MYO16: variants seen among roughly 807,000 people sequenced by gnomAD.
MYO16 encodes myosin XVI.
A neutral mutation model predicts 205.3 loss-of-function variants in MYO16; 94 were observed. That is an observed-to-expected ratio of 0.46 (90% confidence interval 0.39 to 0.54). The LOEUF (loss-of-function observed/expected upper bound fraction) is 0.54. Ranked by LOEUF, MYO16 falls within the 20% of genes least tolerant of loss-of-function variation. The pLI, the probability that MYO16 is intolerant of heterozygous loss-of-function variation, is 0.00. For missense variants in MYO16, 2,315 were observed against 2,387.5 expected (o/e 0.97, Z 0.63); for synonymous variants, 988 against 954.0 (o/e 1.04, Z -0.66).
At chr13:108,774,556 AT>A (rs896858062) in intron 4 of MYO16, among the ~76,000 whole-genome samples, 191 of 150,252 alleles carry the variant, frequency 1.3e-3, no homozygotes, top group African/African-American at 3.9e-3. Context: ...GATGTGATTG[AT>A]TTTTTTTTTC....
chr13:109,027,372 G>C (rs933852568), intron 23 of MYO16, among the ~76,000 whole-genome samples: 3 of 152,188 alleles, frequency 2.0e-5, no homozygotes, highest in Non-Finnish European at 4.4e-5. Flanking sequence ...CTGGGTGGAC[G>C]TGAATTTTAG....
chr13:108,677,189 G>C (rs908986090), intron 2 of MYO16, among the ~76,000 whole-genome samples: 6 of 151,986 alleles, frequency 3.9e-5, no homozygotes, highest in Admixed American at 2.0e-4. Context: ...CAAAGGAACA[G>C]TGAGAAAGAA....
rs1314966301 is a variant in MYO16, at chr13:109,141,923, G to A, written c.5164+547G>A. On this transcript the variant is annotated intron_variant, in intron 32 of 34. Coordinates refer to ENST00000457511, the MANE Select transcript of MYO16 (RefSeq NM_001198950.3). This position sits in a 1 kb window ranked among gnomAD's most constrained non-coding sequence, Gnocchi z 4.1. ...GGGATGAACTGCTTTTCTTCTGGTC[G>A]TATGCCATCCAAGGAGCACTCTAAC... 6.6e-6 allele frequency among the ~76,000 whole-genome samples: 1 copy of A among 152,082 alleles called. No homozygotes were observed. The highest frequency in any genetic ancestry group is 1.5e-5 in the Non-Finnish European group (1 of 68,026).
At chr13:108,970,275 G>A (rs1398627125) in intron 20 of MYO16, among the ~76,000 whole-genome samples, 1 of 152,028 alleles carries the variant, frequency 6.6e-6, no homozygotes, top group East Asian at 1.9e-4. Flanking sequence ...TTGGTGTAAC[G>A]CTATTAAAAA....
the MYO16 span, among the ~76,000 whole-genome samples, chr13:108,573,269 T>C: frequency 1.3e-5 from 2 of 152,224 alleles, no homozygotes; most frequent in African/African-American, 4.8e-5. Flanking sequence ...TAGATGCGGA[T>C]TATAGGCGAT....
intron 16 of MYO16, among the ~76,000 whole-genome samples, chr13:108,917,246 G>A (rs1333273474): frequency 1.3e-5 from 2 of 150,490 alleles, no homozygotes; most frequent in African/African-American, 4.8e-5. Flanking sequence ...GCTCAGCCCA[G>A]GTCTTAGGCC....
chr13:108,774,892 C>T (rs1886078059), intron 4 of MYO16, among the ~76,000 whole-genome samples: 1 of 152,146 alleles, frequency 6.6e-6, no homozygotes, highest in South Asian at 2.1e-4. Flanking sequence ...ATCCTTTTCA[C>T]ACACCCACTT....
chr13:108,806,140 T>A (rs554596828), intron 6 of MYO16, among the ~76,000 whole-genome samples: 1 of 151,936 alleles, frequency 6.6e-6, no homozygotes, highest in African/African-American at 2.4e-5. Flanking sequence ...AAACTAAAAC[T>A]GGGAGAATGT....
intron 34 of MYO16, among the ~76,000 whole-genome samples, chr13:109,199,192 GTA>G (rs4000581): frequency 0.021 from 1,561 of 74,836 alleles, 31 homozygotes; most frequent in Admixed American, 0.025. Context: ...AATAAAAAAG[GTA>G]TATATATATA....
intron 32 of MYO16, among the ~76,000 whole-genome samples, chr13:109,157,886 T>C (rs1878152335): frequency 6.6e-6 from 1 of 152,136 alleles, no homozygotes; most frequent in African/African-American, 2.4e-5. Flanking sequence ...TACCCGGTCG[T>C]CATAAATTCT....
chr13:108,751,475 A>C (rs1885236746), intron 4 of MYO16, among the ~76,000 whole-genome samples: 1 of 152,212 alleles, frequency 6.6e-6, no homozygotes, highest in Non-Finnish European at 1.5e-5. Context: ...TAGAATACAC[A>C]AATCAACTGT....
chr13:108,611,972 C>CTTTTT (rs201871787), intron 1 of MYO16, among the ~76,000 whole-genome samples: 56 of 89,768 alleles, frequency 6.2e-4, no homozygotes, highest in African/African-American at 7.9e-4. Context: ...TTTTTTTTTT[C>CTTTTT]TTTTTTTTTT....
intron 21 of MYO16, among the ~76,000 whole-genome samples, chr13:109,001,778 G>T (rs1344016073): frequency 1.6e-4 from 24 of 152,118 alleles, no homozygotes; most frequent in Non-Finnish European, 2.4e-4. Flanking sequence ...CTGCAGAGAA[G>T]CCTAACTTAA....
chr13:109,068,833 C>A (rs1233892099), intron 27 of MYO16, among the ~76,000 whole-genome samples: 1 of 152,086 alleles, frequency 6.6e-6, no homozygotes, highest in African/African-American at 2.4e-5. Context: ...TCAGGTGATC[C>A]GCCCACCTTG....
the MYO16 span, among the ~76,000 whole-genome samples, chr13:108,525,737 G>A: frequency 1.3e-5 from 2 of 152,180 alleles, no homozygotes; most frequent in Non-Finnish European, 2.9e-5. Context: ...AGGTGTATGA[G>A]CTTGAAGAGG....
chr13:108,815,451 A>T (rs1875520873), intron 7 of MYO16, among the ~76,000 whole-genome samples: 1 of 152,178 alleles, frequency 6.6e-6, no homozygotes, highest in African/African-American at 2.4e-5. Context: ...GTGACTGTGG[A>T]AAAATGGTCA....
chr13:108,558,623 G>A, the MYO16 span, among the ~76,000 whole-genome samples: 2 of 152,194 alleles, frequency 1.3e-5, no homozygotes, highest in Non-Finnish European at 2.9e-5. Context: ...CAGCTCCCAC[G>A]AATGGATTAT....
chr13:108,533,661 C>A, the MYO16 span, among the ~76,000 whole-genome samples: 1 of 152,206 alleles, frequency 6.6e-6, no homozygotes, highest in Non-Finnish European at 1.5e-5. Flanking sequence ...ATGTATTTAT[C>A]ACTTTTTCTG....
chr13:108,837,699 T>G (rs1041921139), intron 9 of MYO16, among the ~76,000 whole-genome samples: 2 of 152,314 alleles, frequency 1.3e-5, no homozygotes, highest in African/African-American at 4.8e-5. Context: ...TAAAATGATG[T>G]CTCCATAGTC....
Sources: gnomAD v4.1 joint callset for allele counts (sites outside exome capture counted in the v4.1 genomes callset) on GRCh38, gnomAD v4.1.1 for gene constraint, Gnocchi (gnomAD v3.1) non-coding constraint, MANE v1.5 for transcripts, NCBI Gene and HGNC (gene_info 2026-07-23, HGNC 2026-07-21) for gene names.